Variants in EFCAB5 observed in about 807,000 individuals in gnomAD.
EFCAB5 encodes the protein EF-hand calcium-binding domain-containing protein 5.
EFCAB5 carries 131 observed loss-of-function variants against 167.9 expected under a neutral mutation model. The observed-to-expected ratio is 0.78, with a 90% confidence interval of 0.68 to 0.90. EFCAB5 has a LOEUF of 0.90. Ranked by LOEUF, EFCAB5 falls within the 40% of genes least tolerant of loss-of-function variation. The pLI is 0.00. For synonymous variants in EFCAB5, 574 were observed against 602.8 expected (o/e 0.95, Z 0.70); for missense variants, 1,663 against 1,745.2 (o/e 0.95, Z 0.84).
intron 1 of EFCAB5, among the ~76,000 whole-genome samples, chr17:29,930,562 A>T (rs911244151): frequency 1.3e-5 from 2 of 151,736 alleles, no homozygotes; most frequent in Admixed American, 6.6e-5. Flanking sequence ...AGCAGCTGAG[A>T]TGAAAATCCT....
At chr17:29,977,721 T>C (rs2068089351) in intron 4 of EFCAB5, among the ~76,000 whole-genome samples, 1 of 152,170 alleles carries the variant, frequency 6.6e-6, no homozygotes, top group African/African-American at 2.4e-5. Context: ...TTCAAAGAAT[T>C]ACTTTCTCTA....
intron 7 of EFCAB5, among the ~76,000 whole-genome samples, chr17:30,033,235 C>CCAT (rs941720962): frequency 2.0e-5 from 3 of 152,138 alleles, no homozygotes; most frequent in Non-Finnish European, 4.4e-5. Context: ...CCCGCCACCA[C>CCAT]GCCCGGCTAA....
intron 3 of EFCAB5, among the ~76,000 whole-genome samples, chr17:29,949,600 T>G (rs968280762): frequency 2.6e-5 from 4 of 152,252 alleles, no homozygotes; most frequent in African/African-American, 9.6e-5. Flanking sequence ...AACTATTCAG[T>G]TAAACCTCTG....
chr17:29,946,429 CTTTTTTT>C (rs58247381), intron 3 of EFCAB5, among the ~76,000 whole-genome samples: 12 of 85,388 alleles, frequency 1.4e-4, no homozygotes, highest in African/African-American at 2.5e-4. Flanking sequence ...ATGGAAATTT[CTTTTTTT>C]TTTTTTTTTT....
At chr17:30,017,629 C>G (rs1451630874) in intron 7 of EFCAB5, among the ~76,000 whole-genome samples, 1 of 152,088 alleles carries the variant, frequency 6.6e-6, no homozygotes, top group Admixed American at 6.5e-5. Context: ...TAAGAAATAA[C>G]TATACATATC....
intron 7 of EFCAB5, among the ~76,000 whole-genome samples, chr17:30,005,015 A>G (rs2068746788): frequency 1.3e-5 from 2 of 152,010 alleles, no homozygotes; most frequent in African/African-American, 2.4e-5. Context: ...CACCCAGTCT[A>G]TGGTATTTTG....
In EFCAB5 at chr17:30,066,463, T is replaced by A. The variant is rs546181677; in HGVS notation, c.2737+6762T>A. 2.0e-5 allele frequency among the ~76,000 whole-genome samples: 3 copies of A among 152,132 alleles called. No individual in the cohort carries two copies. The South Asian group carries it at 6.2e-4, about 32-fold the overall frequency. On this transcript the variant is annotated intron_variant, in intron 14 of 22. Transcript: ENST00000394835. ...GGTCCTATGCCATCATAAAATTTCT[T>A]GGAACAAATGAAAATAGAAACAGAA...
chr17:30,081,006 C>CTT, intron 17 of EFCAB5, 25 bp downstream of exon 17: 2 of 1,571,304 alleles, frequency 1.3e-6, no homozygotes, highest in Non-Finnish European at 1.7e-6. Context: ...TCTTCAAGAG[C>CTT]GATGGTAGGA....
intron 1 of EFCAB5, among the ~76,000 whole-genome samples, chr17:29,930,702 T>C (rs887551652): frequency 9.2e-5 from 14 of 151,684 alleles, no homozygotes; most frequent in Middle Eastern, 3.4e-3. Flanking sequence ...TCTTAACTTT[T>C]CCCCCCCTTC....
At chr17:30,004,805 T>TC (rs2068741227) in intron 7 of EFCAB5, among the ~76,000 whole-genome samples, 1 of 148,392 alleles carries the variant, frequency 6.7e-6, no homozygotes, top group African/African-American at 2.5e-5. Context: ...TTTTTTTTTT[T>TC]TTTGTATTTT....
intron 17 of EFCAB5, 27 bp downstream of exon 17, chr17:30,081,008 A>G (rs751832799): frequency 3.9e-6 from 6 of 1,554,252 alleles, no homozygotes; most frequent in Non-Finnish European, 3.5e-6. Context: ...TTCAAGAGCG[A>G]TGGTAGGATG....
chr17:30,044,864 C>T lies in EFCAB5; in HGVS notation c.1201-6254C>T, dbSNP rs187356317. On this transcript the variant is annotated intron_variant, in intron 8 of 22. Coordinates refer to ENST00000394835, the MANE Select transcript of EFCAB5 (RefSeq NM_198529.4). Reference sequence around the variant, plus strand: ...AAGACTTATACATGACTGTTCTTAGCAGCCTCATTCATAATAGCTTTAAGT... The same window carrying T: ...AAGACTTATACATGACTGTTCTTAGTAGCCTCATTCATAATAGCTTTAAGT... 2.0e-3 allele frequency among the ~76,000 whole-genome samples: 305 copies of T among 152,286 alleles called. 1 individual carries two copies. Among genetic ancestry groups the T allele is most frequent in the African/African-American group, 7.1e-3 (295 of 41,568 alleles).
intron 7 of EFCAB5, among the ~76,000 whole-genome samples, chr17:30,019,176 T>C (rs899741712): frequency 2.0e-5 from 3 of 152,182 alleles, no homozygotes; most frequent in African/African-American, 7.2e-5. Context: ...GGCTTTGTAT[T>C]CTGTTTTATT....
chr17:30,092,920 T>C lies in EFCAB5; in HGVS notation c.4305T>C (p.Ile1435=). 6.2e-7 allele frequency: 1 copy of C among 1,608,596 alleles called. No individual in the cohort carries two copies. The highest frequency in any genetic ancestry group is 8.5e-7 in the Non-Finnish European group (1 of 1,177,638). The change falls in exon 22 of 23, where the codon ATT becomes ATC. Residue 1435 remains isoleucine, a synonymous_variant. Transcript: ENST00000394835. ...ATGTGGAAGTTAATGTACAGCTTAT[T>C]GATGAATATATCAGAGGTAAATTTC... The part of the protein sequence containing the change: ...AKHVEVNVQL[I]DEYIRDHSRT...
At chr17:29,958,267 T>C (rs1411725603) in intron 3 of EFCAB5, among the ~76,000 whole-genome samples, 1 of 152,218 alleles carries the variant, frequency 6.6e-6, no homozygotes, top group Non-Finnish European at 1.5e-5. Flanking sequence ...CTCTTTAAGG[T>C]CAATAACTCT....
At chr17:30,000,160 T>C (rs2068631699) in intron 7 of EFCAB5, among the ~76,000 whole-genome samples, 184 bp downstream of exon 7, 1 of 152,214 alleles carries the variant, frequency 6.6e-6, no homozygotes, top group Non-Finnish European at 1.5e-5. Context: ...TTTCAATCAG[T>C]ATCACGCATG....
intron 22 of EFCAB5, among the ~76,000 whole-genome samples, chr17:30,104,934 A>G (rs1030376477): frequency 6.6e-6 from 1 of 152,140 alleles, no homozygotes; most frequent in Non-Finnish European, 1.5e-5. Flanking sequence ...CGACTAGCTT[A>G]ATAATGGCTT....
intron 3 of EFCAB5, 73 bp from the exon 4 acceptor site, chr17:29,968,718 A>G: frequency 7.8e-7 from 1 of 1,274,954 alleles, no homozygotes; most frequent in South Asian, 1.9e-5. Flanking sequence ...ATTTTTTCAA[A>G]TATTATTCTA....
At chr17:30,092,675 C>T (rs1233221012) in intron 21 of EFCAB5, among the ~76,000 whole-genome samples, 165 bp from the exon 22 acceptor site, 1 of 152,204 alleles carries the variant, frequency 6.6e-6, no homozygotes, top group Non-Finnish European at 1.5e-5. Context: ...AGGCGTGAGC[C>T]ACCACACCCG....
Sources: gnomAD v4.1 joint callset for allele counts (sites outside exome capture counted in the v4.1 genomes callset) on GRCh38, gnomAD v4.1.1 for gene constraint, MANE v1.5 for transcripts, NCBI Gene and HGNC (gene_info 2026-07-23, HGNC 2026-07-21) for gene names.